Variants in NRG3 observed in about 807,000 individuals in gnomAD.
NRG3 encodes pro-neuregulin-3, membrane-bound isoform.
In NRG3, 31 loss-of-function variants were observed where a neutral mutation model predicts 66.9. The observed-to-expected ratio is 0.46, with a 90% CI of 0.35 to 0.63. The LOEUF (loss-of-function observed/expected upper bound fraction) is 0.63. Ranked by LOEUF, NRG3 falls within the 20% of genes least tolerant of loss-of-function variation. The pLI is 0.00. For synonymous variants in NRG3, 393 were observed against 359.4 expected (o/e 1.09, Z -1.06); for missense variants, 910 against 878.9 (o/e 1.04, Z -0.45).
intron 3 of NRG3, among the ~76,000 whole-genome samples, chr10:82,813,189 A>G (rs995706839): frequency 1.4e-5 from 2 of 147,338 alleles, no homozygotes; most frequent in Non-Finnish European, 3.0e-5. Context: ...ATTATTCATC[A>G]TTATTCATAC....
Position 82,973,934 on chromosome 10 carries a change from G to T in NRG3, c.1412+19G>T. The stretch of plus-strand genomic sequence containing the variant: ...ACCACAGGTACAAGTAGCTCATCAT[G>T]GTGGGTGTGGGCACCTTCACACTGT... On this transcript the variant is annotated intron_variant, in intron 7 of 8. Coordinates refer to ENST00000372141, the MANE Select transcript of NRG3 (RefSeq NM_001010848.4). 1 of 1,613,484 alleles carries T rather than the reference G, an allele frequency of 6.2e-7. No homozygotes were observed. The highest frequency in any genetic ancestry group is 1.1e-5 in the South Asian group (1 of 91,046).
At chr10:82,508,049 A>T (rs1186673866) in intron 2 of NRG3, among the ~76,000 whole-genome samples, 1 of 152,208 alleles carries the variant, frequency 6.6e-6, no homozygotes, top group Non-Finnish European at 1.5e-5. Context: ...TTTGTCATTA[A>T]ATGTTCCAAA....
At chr10:82,179,007 T>C (rs918909363) in intron 1 of NRG3, among the ~76,000 whole-genome samples, 5 of 152,108 alleles carry the variant, frequency 3.3e-5, no homozygotes, top group African/African-American at 7.2e-5. Context: ...TTGAAAATCT[T>C]TTCATATACC....
chr10:82,624,415 C>A (rs1388449618), intron 2 of NRG3, among the ~76,000 whole-genome samples: 1 of 152,050 alleles, frequency 6.6e-6, no homozygotes, highest in Non-Finnish European at 1.5e-5. Context: ...CTTTTTCCCC[C>A]ACCTTAACCA....
chr10:82,025,835 T>TTTTTG (rs1320472227), intron 1 of NRG3, among the ~76,000 whole-genome samples: 5 of 152,110 alleles, frequency 3.3e-5, no homozygotes, highest in Non-Finnish European at 5.9e-5. Context: ...TTTGGATAGT[T>TTTTTG]TTTTGTTTTG....
chr10:82,238,919 T>TATATATATATATATAC (rs372472574), intron 1 of NRG3, among the ~76,000 whole-genome samples: 7 of 142,140 alleles, frequency 4.9e-5, no homozygotes, highest in African/African-American at 1.9e-4. Context: ...ACCGTATATA[T>TATATATATATATATAC]ATATATATAA....
At chr10:82,455,621 T>C (rs1399264095) in intron 2 of NRG3, among the ~76,000 whole-genome samples, 15 of 151,404 alleles carry the variant, frequency 9.9e-5, no homozygotes, top group Non-Finnish European at 1.8e-4. Context: ...AAACTTTTTT[T>C]TTTTTTTTTT....
At chr10:82,112,718 T>C (rs1409868185) in intron 1 of NRG3, among the ~76,000 whole-genome samples, 1 of 152,190 alleles carries the variant, frequency 6.6e-6, no homozygotes, top group African/African-American at 2.4e-5. Flanking sequence ...CTATGGTTTA[T>C]AATCCCAAAT....
At chr10:82,456,644 A>G (rs7915664) in intron 2 of NRG3, among the ~76,000 whole-genome samples, 2,242 of 152,098 alleles carry the variant, frequency 0.015, 63 homozygotes, top group African/African-American at 0.052. Context: ...CATGACTGTA[A>G]TTTTGGGATT....
At chr10:82,297,459 A>G (rs2080136888) in intron 1 of NRG3, among the ~76,000 whole-genome samples, 1 of 152,126 alleles carries the variant, frequency 6.6e-6, no homozygotes, top group Admixed American at 6.6e-5. Context: ...TATGTAAATC[A>G]ACCATTGGAG....
At chr10:81,890,110 AG>A (rs1842902795) in intron 1 of NRG3, among the ~76,000 whole-genome samples, 1 of 152,214 alleles carries the variant, frequency 6.6e-6, no homozygotes, top group African/African-American at 2.4e-5. Context: ...TAAAGAGAAA[AG>A]GTCAAGTAGA....
chr10:82,916,255 C>A (rs957486839), intron 4 of NRG3, among the ~76,000 whole-genome samples: 1 of 152,074 alleles, frequency 6.6e-6, no homozygotes, highest in Non-Finnish European at 1.5e-5. Context: ...AGTTCAAGAC[C>A]AGCCTGGACA....
At chr10:82,404,984 C>T (rs1195461781) in intron 2 of NRG3, among the ~76,000 whole-genome samples, 2 of 152,026 alleles carry the variant, frequency 1.3e-5, no homozygotes, top group Non-Finnish European at 2.9e-5. Context: ...CCGCTTAAGT[C>T]CCTGCTGCAC....
At chr10:82,300,777 C>A (rs2080355133) in intron 1 of NRG3, among the ~76,000 whole-genome samples, 1 of 151,980 alleles carries the variant, frequency 6.6e-6, no homozygotes, top group Non-Finnish European at 1.5e-5. Flanking sequence ...TCACATCAAA[C>A]CCATTGGAAG....
In NRG3 at chr10:81,954,756, A is replaced by T. The variant is rs183779257; in HGVS notation, c.823+78593A>T. ...ATTTGTTCTAGACAGGTTGTTAAAA[A>T]TCAACATGAATGCCAAAATCCAGGA... On this transcript the variant is annotated intron_variant, in intron 1 of 8. Transcript: ENST00000372141. Among the ~76,000 whole-genome samples, 776 of 152,300 alleles carry T rather than the reference A, an allele frequency of 5.1e-3. 5 individuals carry two copies. The highest frequency in any genetic ancestry group is 0.024 in the Middle Eastern group (7 of 294).
intron 1 of NRG3, among the ~76,000 whole-genome samples, chr10:81,901,720 C>G (rs1844094657): frequency 6.6e-6 from 1 of 152,106 alleles, no homozygotes; most frequent in Non-Finnish European, 1.5e-5. Flanking sequence ...AAAACCTTCA[C>G]CATTGGATAG....
At chr10:82,201,539 C>T (rs1403283484) in intron 1 of NRG3, among the ~76,000 whole-genome samples, 1 of 152,082 alleles carries the variant, frequency 6.6e-6, no homozygotes, top group Non-Finnish European at 1.5e-5. Context: ...ATTTCTTGAA[C>T]AATAGTGACC....
chr10:82,265,907 T>TC (rs2078271507), intron 1 of NRG3, among the ~76,000 whole-genome samples: 1 of 152,132 alleles, frequency 6.6e-6, no homozygotes, highest in African/African-American at 2.4e-5. Flanking sequence ...CTATACAAAC[T>TC]CCAAGACTTG....
intron 1 of NRG3, among the ~76,000 whole-genome samples, chr10:82,149,364 G>T (rs2070518707): frequency 6.6e-6 from 1 of 152,066 alleles, no homozygotes; most frequent in Non-Finnish European, 1.5e-5. Context: ...GAATTAAAAA[G>T]TTAATATAAT....
Sources: gnomAD v4.1 joint callset for allele counts (sites outside exome capture counted in the v4.1 genomes callset) on GRCh38, gnomAD v4.1.1 for gene constraint, MANE v1.5 for transcripts, NCBI Gene and HGNC (gene_info 2026-07-23, HGNC 2026-07-21) for gene names.